The following FBXL2 variants were observed in gnomAD, a reference collection of about 807,000 sequenced individuals.
FBXL2 encodes the protein F-box/LRR-repeat protein 2.
A neutral mutation model predicts 69.2 loss-of-function variants in FBXL2; 38 were observed. The observed-to-expected ratio is 0.55, with a 90% CI of 0.42 to 0.72. The LOEUF is 0.72. Among genes scored for constraint, FBXL2 ranks in the 30% least tolerant of loss-of-function variants. The probability of loss-of-function intolerance (pLI) is 0.00; values close to 1 mark genes in which losing one functional copy is unlikely to be tolerated. For synonymous variants in FBXL2, 192 were observed against 201.3 expected (o/e 0.95, Z 0.39); for missense variants, 354 against 520.3 (o/e 0.68, Z 3.11).
intron 2 of FBXL2, among the ~76,000 whole-genome samples, chr3:33,298,171 A>G (rs2035917205): frequency 6.6e-6 from 1 of 152,194 alleles, no homozygotes; most frequent in Non-Finnish European, 1.5e-5. Context: ...AATGCTGTCA[A>G]CCCCAAGTAT....
intron 2 of FBXL2, among the ~76,000 whole-genome samples, chr3:33,330,126 A>T (rs2039034395): frequency 6.6e-6 from 1 of 151,984 alleles, no homozygotes; most frequent in Admixed American, 6.6e-5. Flanking sequence ...CTAGAAAAAA[A>T]TTTTAAATTA....
chr3:33,376,556 C>T (rs2042653931), intron 10 of FBXL2, among the ~76,000 whole-genome samples: 1 of 152,110 alleles, frequency 6.6e-6, no homozygotes, highest in African/African-American at 2.4e-5. Flanking sequence ...ATTCATGCAC[C>T]CATCCCTATT....
intron 2 of FBXL2, among the ~76,000 whole-genome samples, chr3:33,344,815 C>T (rs2040315850): frequency 6.6e-6 from 1 of 152,184 alleles, no homozygotes; most frequent in East Asian, 1.9e-4. Flanking sequence ...CTTACTAAAA[C>T]TGATTAAGAA....
At chr3:33,372,088 T>C (rs747961158) in intron 5 of FBXL2, among the ~76,000 whole-genome samples, 14 of 152,176 alleles carry the variant, frequency 9.2e-5, no homozygotes, top group Non-Finnish European at 1.9e-4. Context: ...TGGTACTGAA[T>C]TCTTTTTGTT....
chr3:33,413,569 T>C, the FBXL2 span, among the ~76,000 whole-genome samples: 10 of 149,848 alleles, frequency 6.7e-5, no homozygotes, highest in African/African-American at 2.2e-4. Flanking sequence ...AAAAAAACTT[T>C]GAGTTTTGAA....
At chr3:33,394,817 GTTTTT>G (rs76142927) in intron 12 of FBXL2, among the ~76,000 whole-genome samples, 26 of 110,428 alleles carry the variant, frequency 2.4e-4, no homozygotes, top group African/African-American at 6.4e-4. Flanking sequence ...CCCTCCACTT[GTTTTT>G]TTTTTTTTTT....
intron 2 of FBXL2, among the ~76,000 whole-genome samples, chr3:33,351,691 T>C (rs1005075358): frequency 1.3e-5 from 2 of 152,194 alleles, no homozygotes; most frequent in Non-Finnish European, 2.9e-5. Flanking sequence ...TTATTCATTG[T>C]TGGTGAGGAT....
downstream of FBXL2, chr3:33,388,858 G>A (rs371796712): frequency 8.5e-5 from 13 of 152,184 alleles, no homozygotes; most frequent in East Asian, 2.1e-3. Flanking sequence ...ACTCACTGAA[G>A]TAGTTTGTCT....
At chr3:33,277,336 G>A, upstream of FBXL2, 1 of 485,494 alleles carries the variant, frequency 2.1e-6, no homozygotes, top group East Asian at 3.6e-5. Context: ...CCGGGGGCGA[G>A]GGGTGGGCGG....
At chr3:33,289,928 T>C (rs1204152704) in intron 1 of FBXL2, 1 of 282,740 alleles carries the variant, frequency 3.5e-6, no homozygotes, top group African/African-American at 2.3e-5. Flanking sequence ...AGCTAAGAAA[T>C]CTCTTTATGA....
At chr3:33,336,452 A>G (rs2039583627) in intron 2 of FBXL2, among the ~76,000 whole-genome samples, 1 of 152,250 alleles carries the variant, frequency 6.6e-6, no homozygotes, top group African/African-American at 2.4e-5. Context: ...GAAATAGTTC[A>G]TAGATATAAA....
chr3:33,340,593 A>G (rs2039940374), intron 2 of FBXL2, among the ~76,000 whole-genome samples: 2 of 150,912 alleles, frequency 1.3e-5, no homozygotes, highest in Non-Finnish European at 3.0e-5. Context: ...AAAAAAAAAA[A>G]AAAAAAGAAG....
At chr3:33,412,974 C>T in the FBXL2 span, 1 of 497,058 alleles carries the variant, frequency 2.0e-6, no homozygotes, top group East Asian at 3.0e-5. Context: ...ACTCTTTTGC[C>T]CTTGGATACC....
intron 12 of FBXL2, among the ~76,000 whole-genome samples, chr3:33,395,005 A>C (rs1403033823): frequency 6.6e-6 from 1 of 152,154 alleles, no homozygotes; most frequent in Non-Finnish European, 1.5e-5. Context: ...TTATGGGAAA[A>C]TATCCAATAT....
At chr3:33,417,647 GC>G in the FBXL2 span, among the ~76,000 whole-genome samples, 1 of 152,134 alleles carries the variant, frequency 6.6e-6, no homozygotes, top group African/African-American at 2.4e-5. Context: ...GGAAAATGCT[GC>G]TGTAAAAAAA....
chr3:33,319,611 G>A (rs376552937), intron 2 of FBXL2, among the ~76,000 whole-genome samples: 7 of 152,232 alleles, frequency 4.6e-5, no homozygotes, highest in African/African-American at 1.4e-4. Context: ...AACTTAAGTG[G>A]TTCTCTTAAA....
intron 5 of FBXL2, chr3:33,372,586 C>T (rs2042366811): frequency 1.2e-5 from 2 of 166,518 alleles, no homozygotes; most frequent in Admixed American, 1.1e-4. Context: ...TGAATGTCCT[C>T]ACCAGTAAAA....
At chr3:33,405,628 A>G (rs1234949372), downstream of FBXL2, among the ~76,000 whole-genome samples, 1 of 152,064 alleles carries the variant, frequency 6.6e-6, no homozygotes, top group Non-Finnish European at 1.5e-5. Flanking sequence ...GGAGTTGGGG[A>G]TCAGCCTGAG....
At chr3:33,395,450 CTTTT>C (rs1401152687) in intron 12 of FBXL2, among the ~76,000 whole-genome samples, 1 of 151,780 alleles carries the variant, frequency 6.6e-6, no homozygotes, top group Non-Finnish European at 1.5e-5. Context: ...AAAATGCTTG[CTTTT>C]TTTAAGGGCC....
Sources: gnomAD v4.1 joint callset for allele counts (sites outside exome capture counted in the v4.1 genomes callset) on GRCh38, gnomAD v4.1.1 for gene constraint, MANE v1.5 for transcripts, NCBI Gene and HGNC (gene_info 2026-07-23, HGNC 2026-07-21) for gene names.